The following VPS13B variants were observed in gnomAD, a reference collection of about 807,000 sequenced individuals.
The protein encoded by VPS13B is vacuolar protein sorting 13 homolog B, also known as intermembrane lipid transfer protein VPS13B.
A neutral mutation model predicts 426.4 loss-of-function variants in VPS13B; 285 were observed. That is an observed-to-expected ratio of 0.67 (90% CI 0.61 to 0.74). VPS13B has a LOEUF of 0.74. Among genes scored for constraint, VPS13B ranks in the 30% least tolerant of loss-of-function variants. The probability of loss-of-function intolerance (pLI) is 0.00; values close to 1 mark genes in which losing one functional copy is unlikely to be tolerated. For missense variants in VPS13B, 4,537 were observed against 4,782.6 expected (o/e 0.95, Z 1.51); for synonymous variants, 1,676 against 1,676.4 (o/e 1.00, Z 0.01).
At chr8:99,462,495 C>T (rs1200719866) in intron 23 of VPS13B, among the ~76,000 whole-genome samples, 1 of 152,026 alleles carries the variant, frequency 6.6e-6, no homozygotes. Context: ...CTACCTTTCT[C>T]TTAAATACAG....
intron 31 of VPS13B, among the ~76,000 whole-genome samples, chr8:99,557,368 C>G (rs1256601450): frequency 6.6e-6 from 1 of 151,694 alleles, no homozygotes; most frequent in African/African-American, 2.4e-5. Flanking sequence ...TAGCTTACCT[C>G]CCACTTATAA....
rs747116389 is a variant in VPS13B at position 99,699,708 on chromosome 8, G to C, written c.6230G>C (p.Arg2077Pro). 10 of 1,613,964 alleles carry C rather than the reference G, an allele frequency of 6.2e-6. No homozygotes were observed. In the Admixed American group the frequency reaches 1.7e-4, roughly 27 times the overall value. ...KDDLPVSKYY[R>P]GKLSKPKIHG... ...GATCTTCCAGTCTCCAAATATTACC[G>C]TGGAAAGTTGTCTAAACCCAAAATT... Residue 2077 changes from arginine (R) to proline (P), a missense_variant, in exon 36 of 62, where the codon CGT becomes CCT. Arg to Pro is a moderately radical substitution (Grantham distance 103, BLOSUM62 -2). This residue lies in a region of VPS13B where 4,311 missense variants were observed against 4,474.3 expected (regional missense o/e 0.96). Coordinates refer to ENST00000357162, the MANE Select transcript of VPS13B (RefSeq NM_152564.5).
rs532923149 is a variant in VPS13B at position 99,542,282 on chromosome 8, G to C, written c.4746-14168G>C. Among the ~76,000 whole-genome samples the C allele has an allele frequency of 2.0e-5, 3 of 152,152 alleles. No individual in the cohort carries two copies. In the South Asian group the frequency reaches 6.2e-4, roughly 32 times the overall value. ...ATCATTGCTCTTTAGAATAATAGAG[G>C]GTCCTAATAATATCTATATAATTTA... On this transcript the variant is annotated intron_variant, in intron 30 of 61. Coordinates refer to ENST00000357162, the MANE Select transcript of VPS13B (RefSeq NM_152564.5).
chr8:99,085,801 T>A (rs1474095616), intron 3 of VPS13B, among the ~76,000 whole-genome samples: 2 of 152,230 alleles, frequency 1.3e-5, no homozygotes, highest in Non-Finnish European at 2.9e-5. Context: ...GCTTGTTGAT[T>A]TCTGCCGAGA....
chr8:99,705,067 C>G (rs1832444369), intron 36 of VPS13B, among the ~76,000 whole-genome samples: 1 of 152,104 alleles, frequency 6.6e-6, no homozygotes, highest in Non-Finnish European at 1.5e-5. Flanking sequence ...CTGAGTACCA[C>G]TATTAATCCT....
rs183430746 is a variant in VPS13B at position 99,169,972 on chromosome 8, G to A, written c.2209-67G>A. On this transcript the variant is annotated intron_variant, in intron 15 of 61. Coordinates refer to ENST00000357162, the MANE Select transcript of VPS13B (RefSeq NM_152564.5). ...TGTTGTAAAGCAAGTTGAAACTGAC[G>A]TATTTCATCCTGTGCTTATTAAAAC... 1.9e-4 allele frequency: 301 copies of A among 1,584,700 alleles called. 1 individual carries two copies. In the African/African-American group the frequency reaches 3.0e-3, roughly 16 times the overall value.
chr8:99,561,917 G>C (rs1824942382), intron 31 of VPS13B, among the ~76,000 whole-genome samples: 1 of 152,028 alleles, frequency 6.6e-6, no homozygotes, highest in South Asian at 2.1e-4. Flanking sequence ...TCACATATTT[G>C]GGTATACACC....
At chr8:99,735,000 T>C (rs1563888659) in intron 39 of VPS13B, among the ~76,000 whole-genome samples, 1 of 152,220 alleles carries the variant, frequency 6.6e-6, no homozygotes, top group Non-Finnish European at 1.5e-5. Context: ...ATTTAAAATT[T>C]AAGGTTTTGG....
intron 31 of VPS13B, among the ~76,000 whole-genome samples, chr8:99,570,586 C>A (rs1825424429): frequency 6.6e-6 from 1 of 150,434 alleles, no homozygotes; most frequent in Non-Finnish European, 1.5e-5. Flanking sequence ...TTTTTTAATT[C>A]TGTATGTTTT....
chr8:99,094,918 C>T (rs1395110680), intron 3 of VPS13B, among the ~76,000 whole-genome samples: 1 of 152,196 alleles, frequency 6.6e-6, no homozygotes, highest in Non-Finnish European at 1.5e-5. Flanking sequence ...TCTTTGATCT[C>T]TCACTCCACA....
chr8:99,509,600 G>C (rs1438387370), intron 28 of VPS13B, among the ~76,000 whole-genome samples: 1 of 152,000 alleles, frequency 6.6e-6, no homozygotes, highest in Non-Finnish European at 1.5e-5. Flanking sequence ...AGGAGTGATG[G>C]GATAATATAG....
At chr8:99,644,490 C>T (rs1450750927) in intron 34 of VPS13B, among the ~76,000 whole-genome samples, 2 of 151,996 alleles carry the variant, frequency 1.3e-5, no homozygotes, top group East Asian at 1.9e-4. Flanking sequence ...GGGGAAAAAA[C>T]CTTGTATGTA....
chr8:99,814,092 A>G (rs538900702), intron 44 of VPS13B, among the ~76,000 whole-genome samples: 1 of 152,336 alleles, frequency 6.6e-6, no homozygotes, highest in South Asian at 2.1e-4. Context: ...GTGAGCTGAA[A>G]TCTTGCCACT....
chr8:99,382,900 A>T (rs1331099719), intron 19 of VPS13B, among the ~76,000 whole-genome samples: 1 of 152,152 alleles, frequency 6.6e-6, no homozygotes, highest in Non-Finnish European at 1.5e-5. Flanking sequence ...GCCAGTTTTC[A>T]AGGGGAATGC....
Position 99,090,239 on chromosome 8 carries a change from A to G in VPS13B, c.292-6073A>G, listed in dbSNP as rs184906326. Among the ~76,000 whole-genome samples the G allele has an allele frequency of 2.0e-3, 284 of 142,546 alleles. 1 individual carries two copies. Among genetic ancestry groups the G allele is most frequent in the Non-Finnish European group, 3.6e-3 (231 of 64,896 alleles). 93.5% of individuals were successfully genotyped at this position (142,546 alleles called of 152,430 possible). A position where few individuals can be genotyped will look rare whatever the true frequency, so the allele number is the denominator to read the frequency against. On this transcript the variant is annotated intron_variant, in intron 3 of 61. Coordinates refer to ENST00000357162, the MANE Select transcript of VPS13B (RefSeq NM_152564.5). ...AAATACTTGCTGCCTAGTAACTGCT[A>G]TTTCTTTGTGACATGTATAATCATA...
chr8:99,536,711 A>G, intron 30 of VPS13B: 1 of 534,424 alleles, frequency 1.9e-6, no homozygotes. Flanking sequence ...TATCAAACAC[A>G]CTGTGGACAG....
chr8:99,862,058 G>C, intron 58 of VPS13B, 112 bp downstream of exon 58: 1 of 1,312,410 alleles, frequency 7.6e-7, no homozygotes, highest in Non-Finnish European at 1.0e-6. Flanking sequence ...GAAATGCTCA[G>C]AGAAGGTAAG....
At position 99,431,545 on chromosome 8, in the gene VPS13B, C is replaced by T; in HGVS notation, c.3091C>T (p.Pro1031Ser). ...GCTATTCTCGTACTCAGAATCCCGC[C>T]CATTGTCAGTTCCTGTTAAAGCCAT... ...VKTKTVTESRPLSVPVKAMLN... is the reference protein window; with the variant it reads ...VKTKTVTESRSLSVPVKAMLN... The change falls in exon 22 of 62, where the codon CCA becomes TCA. Residue 1031 changes from proline (P) to serine (S), a missense_variant. Physicochemically the swap from Pro to Ser is moderately conservative, Grantham distance 74 (BLOSUM62 -1). Around this residue, in one of 2 missense-constraint regions of VPS13B, gnomAD observed 4,311 missense variants for 4,474.3 expected, o/e 0.96. Transcript: ENST00000357162. 1 of 1,613,306 alleles carries T rather than the reference C, an allele frequency of 6.2e-7. No homozygotes were observed. The highest frequency in any genetic ancestry group is 1.1e-5 in the South Asian group (1 of 91,044).
chr8:99,090,450 A>G (rs1207595331), intron 3 of VPS13B, among the ~76,000 whole-genome samples: 1 of 151,876 alleles, frequency 6.6e-6, no homozygotes, highest in East Asian at 1.9e-4. Flanking sequence ...TTGAAGTTTT[A>G]GAAGGGACAG....
Sources: allele counts gnomAD v4.1 joint callset (sites outside exome capture counted in the v4.1 genomes callset), GRCh38; gene constraint gnomAD v4.1.1; regional missense constraint gnomAD v4.1.1; transcripts MANE v1.5; gene names NCBI Gene and HGNC (gene_info 2026-07-23, HGNC 2026-07-21).